BICC1: variants seen among roughly 807,000 people sequenced by gnomAD.
BICC1 encodes the protein protein bicaudal C homolog 1.
In BICC1, 43 loss-of-function variants were observed where a neutral mutation model predicts 111.0. The ratio of observed to expected loss-of-function variants is 0.39; its 90% CI spans 0.30 to 0.50. The LOEUF (loss-of-function observed/expected upper bound fraction) is 0.50. Among genes scored for constraint, BICC1 ranks in the 20% least tolerant of loss-of-function variants. The pLI, the probability that BICC1 is intolerant of heterozygous loss-of-function variation, is 0.88. For missense variants in BICC1, 1,091 were observed against 1,203.2 expected (o/e 0.91, Z 1.38); for synonymous variants, 467 against 434.4 (o/e 1.07, Z -0.93).
intron 15 of BICC1, among the ~76,000 whole-genome samples, chr10:58,804,075 CT>C (rs1445086906): frequency 6.6e-6 from 1 of 152,148 alleles, no homozygotes; most frequent in African/African-American, 2.4e-5. Context: ...TGGAGCTAAA[CT>C]ATATTACTTT....
intron 2 of BICC1, among the ~76,000 whole-genome samples, chr10:58,656,189 A>T (rs1003395816): frequency 1.6e-4 from 25 of 152,144 alleles, no homozygotes; most frequent in African/African-American, 5.8e-4. Context: ...ACAGGAGCTG[A>T]AATTGTGGCA....
intron 3 of BICC1, among the ~76,000 whole-genome samples, chr10:58,703,463 T>G (rs1387437752): frequency 6.6e-6 from 1 of 152,152 alleles, no homozygotes; most frequent in African/African-American, 2.4e-5. Flanking sequence ...CACCCAGCCT[T>G]GTTACCTTCT....
chr10:58,633,990 C>CTTTTTTTTTTTTTTT (rs1564523270), intron 2 of BICC1, among the ~76,000 whole-genome samples: 1 of 68,788 alleles, frequency 1.5e-5, no homozygotes. Context: ...TTTTTTTTTT[C>CTTTTTTTTTTTTTTT]TTTTCTTTTT....
At chr10:58,796,678 C>A in intron 10 of BICC1, 152 bp downstream of exon 10, 1 of 683,136 alleles carries the variant, frequency 1.5e-6, no homozygotes, top group Non-Finnish European at 2.3e-6. Context: ...CTGAATCAAT[C>A]CATTTTGGGG....
intron 3 of BICC1, among the ~76,000 whole-genome samples, chr10:58,754,427 G>T (rs528273572): frequency 6.6e-6 from 1 of 152,250 alleles, no homozygotes; most frequent in Non-Finnish European, 1.5e-5. Context: ...AAAATGTGGG[G>T]GTCTGCAAAA....
intron 3 of BICC1, among the ~76,000 whole-genome samples, chr10:58,762,392 A>G (rs1842340137): frequency 6.6e-6 from 1 of 152,188 alleles, no homozygotes; most frequent in Admixed American, 6.5e-5. Context: ...TTTGCTGAGT[A>G]CAGCAACAAA....
chr10:58,558,865 T>C (rs1218562905), intron 1 of BICC1, among the ~76,000 whole-genome samples: 1 of 152,034 alleles, frequency 6.6e-6, no homozygotes, highest in East Asian at 1.9e-4. Flanking sequence ...GGCAAGGCAT[T>C]TACCTGGGTT....
chr10:58,811,881 G>A (rs529184478), intron 17 of BICC1, among the ~76,000 whole-genome samples: 5 of 152,276 alleles, frequency 3.3e-5, no homozygotes, highest in East Asian at 1.9e-4. Flanking sequence ...CAACTGGCAC[G>A]ATCACCCCAG....
intron 3 of BICC1, among the ~76,000 whole-genome samples, chr10:58,783,529 C>T (rs966444416): frequency 6.6e-6 from 1 of 152,106 alleles, no homozygotes; most frequent in Non-Finnish European, 1.5e-5. Context: ...ATAAAATCCC[C>T]ACCCAGTGAT....
At chr10:58,566,872 C>G (rs1843781184) in intron 1 of BICC1, among the ~76,000 whole-genome samples, 1 of 152,098 alleles carries the variant, frequency 6.6e-6, no homozygotes, top group African/African-American at 2.4e-5. Flanking sequence ...AGCAAGCTTG[C>G]TTACCTGGTG....
At chr10:58,542,760 G>A (rs2131888864) in intron 1 of BICC1, among the ~76,000 whole-genome samples, 1 of 151,918 alleles carries the variant, frequency 6.6e-6, no homozygotes, top group South Asian at 2.1e-4. Flanking sequence ...ACATCGGCAT[G>A]AAAAGATCAA....
intron 3 of BICC1, among the ~76,000 whole-genome samples, chr10:58,754,563 CGTAGCTTGCCAAAGGTTG>C (rs1564594526): frequency 6.6e-6 from 1 of 152,212 alleles, no homozygotes; most frequent in African/African-American, 2.4e-5. Flanking sequence ...CTGATTTCTT[CGTAGCTTGCCAAAGGTTG>C]GCAACCTTTG....
At chr10:58,592,929 C>T (rs1022093596) in intron 1 of BICC1, among the ~76,000 whole-genome samples, 6 of 146,050 alleles carry the variant, frequency 4.1e-5, no homozygotes, top group Admixed American at 6.9e-5. Context: ...GCCAAGTGTT[C>T]GGGCTCGGTG....
chr10:58,785,139 A>G (rs1842974596), intron 4 of BICC1, 59 bp downstream of exon 4: 1 of 974,798 alleles, frequency 1.0e-6, no homozygotes, highest in South Asian at 1.9e-5. Flanking sequence ...GGGCTACTTC[A>G]TGCCGTTATG....
chr10:58,688,335 C>T (rs1233218707), intron 2 of BICC1, among the ~76,000 whole-genome samples: 1 of 152,070 alleles, frequency 6.6e-6, no homozygotes, highest in Non-Finnish European at 1.5e-5. Flanking sequence ...CATTTACAAA[C>T]CTTTAGCTAG....
At chr10:58,588,194 C>T (rs1370159847) in intron 1 of BICC1, among the ~76,000 whole-genome samples, 2 of 152,056 alleles carry the variant, frequency 1.3e-5, no homozygotes, top group African/African-American at 2.4e-5. Flanking sequence ...TATTCATGAC[C>T]CCTGCCCCTT....
intron 16 of BICC1, 49 bp downstream of exon 16, chr10:58,806,672 A>T (rs1296524436): frequency 2.0e-6 from 3 of 1,475,330 alleles, no homozygotes; most frequent in African/African-American, 1.4e-5. Flanking sequence ...TAGTACACTC[A>T]TAAATGTTTT....
chr10:58,517,485 G>C (rs1270999744), intron 1 of BICC1, among the ~76,000 whole-genome samples: 1 of 152,142 alleles, frequency 6.6e-6, no homozygotes, highest in Non-Finnish European at 1.5e-5. Context: ...TTTTTCATGA[G>C]AGCGGGAAGA....
chr10:58,830,019 T>C lies in BICC1; in HGVS notation c.*1128T>C, dbSNP rs187119569. 6.6e-6 allele frequency: 1 copy of C among 152,136 alleles called. No homozygotes were observed. Among genetic ancestry groups the C allele is most frequent in the Non-Finnish European group, 1.5e-5 (1 of 68,030 alleles). The allele number at this position is 152,136 out of a possible 1,614,324, so 9.4% of individuals were successfully genotyped here. On this transcript the variant is annotated 3_prime_UTR_variant, in exon 21 of 21. Coordinates refer to ENST00000373886, the MANE Select transcript of BICC1 (RefSeq NM_001080512.3). ...ATCCTTATCATGTACACGTTAGCTA[T>C]GTTCCGTATGGCCACAGGACTTTCC... is the stretch of plus-strand genomic sequence containing the variant.
Sources: gnomAD v4.1 joint callset for allele counts (sites outside exome capture counted in the v4.1 genomes callset) on GRCh38, gnomAD v4.1.1 for gene constraint, MANE v1.5 for transcripts, NCBI Gene and HGNC (gene_info 2026-07-23, HGNC 2026-07-21) for gene names.